PRKN: variants seen among roughly 807,000 people sequenced by gnomAD.
PRKN encodes the protein parkin RBR E3 ubiquitin protein ligase, also known as E3 ubiquitin-protein ligase parkin.
PRKN carries 56 observed loss-of-function variants against 59.5 expected under a neutral mutation model. The observed-to-expected ratio is 0.94, with a 90% CI of 0.76 to 1.18. The LOEUF (loss-of-function observed/expected upper bound fraction) is 1.18, where lower values mean the gene tolerates loss of function less well. Among genes scored for constraint, PRKN ranks in the 50% most tolerant of loss-of-function variants. The pLI, the probability that PRKN is intolerant of heterozygous loss-of-function variation, is 0.00. For missense variants in PRKN, 657 were observed against 596.4 expected, an observed-to-expected ratio of 1.10 and a Z score of -1.06; for synonymous variants, 250 against 222.1, an observed-to-expected ratio of 1.13 and a Z score of -1.12.
rs550002011 is a variant in PRKN at position 162,112,427 on chromosome 6, C to T, written c.535-58253G>A. 3.9e-5 allele frequency among the ~76,000 whole-genome samples: 6 copies of T among 152,206 alleles called. No individual in the cohort carries two copies. In the South Asian group the frequency reaches 1.2e-3, roughly 32 times the overall value. The stretch of plus-strand genomic sequence containing the variant: ...ATTGAAGATTCTTATTAAAATACCA[C>T]ATATTAAAAAAGATAAAGTAACACA... On this transcript the variant is annotated intron_variant, in intron 4 of 11. Transcript: ENST00000366898.
At chr6:162,677,922 C>A (rs1327912674) in intron 1 of PRKN, among the ~76,000 whole-genome samples, 1 of 152,054 alleles carries the variant, frequency 6.6e-6, no homozygotes, top group African/African-American at 2.4e-5. Context: ...GAGTACATCA[C>A]CCCCAGTAGA....
intron 9 of PRKN, among the ~76,000 whole-genome samples, chr6:161,534,542 T>C (rs1037888193): frequency 2.6e-5 from 4 of 152,166 alleles, no homozygotes; most frequent in African/African-American, 9.7e-5. Context: ...GTGTTCAAGG[T>C]GATGCGGAAA....
At chr6:162,343,514 A>C (rs1247530555) in intron 2 of PRKN, among the ~76,000 whole-genome samples, 9 of 152,250 alleles carry the variant, frequency 5.9e-5, no homozygotes, top group Non-Finnish European at 1.3e-4. Context: ...TAGGAAGTAT[A>C]ATGGTAGACT....
At chr6:162,047,418 G>C (rs1045029719) in intron 5 of PRKN, among the ~76,000 whole-genome samples, 1 of 152,146 alleles carries the variant, frequency 6.6e-6, no homozygotes, top group East Asian at 1.9e-4. Context: ...CAAGAATATG[G>C]AGCCCACGGC....
At chr6:162,563,346 C>G (rs1779933186) in intron 1 of PRKN, among the ~76,000 whole-genome samples, 1 of 151,730 alleles carries the variant, frequency 6.6e-6, no homozygotes, top group African/African-American at 2.4e-5. Flanking sequence ...AAAGAGAAAG[C>G]AAGAGAAGAG....
intron 1 of PRKN, among the ~76,000 whole-genome samples, chr6:162,553,707 G>A (rs1274742099): frequency 6.7e-6 from 1 of 150,096 alleles, no homozygotes; most frequent in Non-Finnish European, 1.5e-5. Flanking sequence ...GAAGGCTGAG[G>A]CAGGAGAATC....
At chr6:161,659,288 T>C (rs1478180181) in intron 7 of PRKN, among the ~76,000 whole-genome samples, 1 of 152,178 alleles carries the variant, frequency 6.6e-6, no homozygotes, top group African/African-American at 2.4e-5. Flanking sequence ...ATTAATTATA[T>C]ATAATTCTTT....
chr6:162,025,509 T>G (rs1783396720), intron 5 of PRKN, among the ~76,000 whole-genome samples: 1 of 151,780 alleles, frequency 6.6e-6, no homozygotes, highest in Non-Finnish European at 1.5e-5. Context: ...TGACTACCCT[T>G]TCTTGCAGTG....
intron 1 of PRKN, among the ~76,000 whole-genome samples, chr6:162,463,173 A>G (rs1188358642): frequency 6.6e-6 from 1 of 152,150 alleles, no homozygotes; most frequent in African/African-American, 2.4e-5. Context: ...GTATTAAATC[A>G]TTTAACTCTC....
intron 9 of PRKN, among the ~76,000 whole-genome samples, chr6:161,464,926 A>G (rs1583103620): frequency 6.6e-6 from 1 of 152,172 alleles, no homozygotes; most frequent in Non-Finnish European, 1.5e-5. Flanking sequence ...AGTTCGACCC[A>G]CAAAATATCT....
At chr6:161,658,287 TA>T (rs752541095) in intron 7 of PRKN, among the ~76,000 whole-genome samples, 7 of 152,188 alleles carry the variant, frequency 4.6e-5, no homozygotes. Context: ...CATGCTCCGT[TA>T]ATTGGAAGTG....
At chr6:162,126,673 G>T (rs2128307024) in intron 4 of PRKN, among the ~76,000 whole-genome samples, 1 of 152,248 alleles carries the variant, frequency 6.6e-6, no homozygotes, top group Admixed American at 6.5e-5. Flanking sequence ...TATTTCTCCT[G>T]AGCTTTTGCA....
intron 1 of PRKN, among the ~76,000 whole-genome samples, chr6:162,680,348 GTATA>G (rs537043455): frequency 6.6e-6 from 1 of 150,500 alleles, no homozygotes; most frequent in Admixed American, 6.7e-5. Context: ...GTATGTGTGT[GTATA>G]TATATATTTA....
At chr6:162,021,461 A>ATTT (rs72433488) in intron 5 of PRKN, among the ~76,000 whole-genome samples, 33 of 24,654 alleles carry the variant, frequency 1.3e-3, no homozygotes, top group African/African-American at 1.5e-3. Context: ...ATATATATAT[A>ATTT]TTTTTTTTTT....
At chr6:162,259,102 T>G (rs925954699) in intron 3 of PRKN, among the ~76,000 whole-genome samples, 4 of 152,226 alleles carry the variant, frequency 2.6e-5, no homozygotes, top group African/African-American at 7.2e-5. Flanking sequence ...TTTTAATCTC[T>G]TTTTCTGAGG....
chr6:162,116,768 G>A (rs1015481965), intron 4 of PRKN, among the ~76,000 whole-genome samples: 3 of 152,174 alleles, frequency 2.0e-5, no homozygotes, highest in Middle Eastern at 3.2e-3. Flanking sequence ...GATATGCACA[G>A]GCGTGAAAGT....
chr6:161,458,271 ATC>A lies in PRKN; in HGVS notation c.1084-71396_1084-71395del, dbSNP rs781409957. On this transcript the variant is annotated intron_variant, in intron 9 of 11. Transcript: ENST00000366898. The surrounding 1 kb of genome is among the most constrained non-coding windows in gnomAD (Gnocchi z 6.1). ...TTCAGAAACGTGTTGTCATTCTTTAATCATGATCATTATTGGAGAATATGATT... is the reference window on the plus strand; with the variant it reads ...TTCAGAAACGTGTTGTCATTCTTTAAATGATCATTATTGGAGAATATGATT... Among the ~76,000 whole-genome samples the A allele has an allele frequency of 1.3e-5, 2 of 152,162 alleles. No homozygotes were observed. Among genetic ancestry groups the A allele is most frequent in the Non-Finnish European group, 2.9e-5 (2 of 68,036 alleles).
chr6:161,785,950 T>C, intron 6 of PRKN, 42 bp from the exon 7 acceptor site: 1 of 1,610,670 alleles, frequency 6.2e-7, no homozygotes, highest in Non-Finnish European at 8.5e-7. Context: ...TACCTGTCAG[T>C]GTGGAAAGGC....
intron 6 of PRKN, among the ~76,000 whole-genome samples, chr6:161,941,485 C>T (rs904956641): frequency 6.6e-5 from 10 of 152,228 alleles, no homozygotes; most frequent in Non-Finnish European, 1.5e-4. Flanking sequence ...TCAATAAAAC[C>T]TCACTCTCAT....
Sources: allele counts gnomAD v4.1 joint callset (sites outside exome capture counted in the v4.1 genomes callset), GRCh38; gene constraint gnomAD v4.1.1; non-coding constraint Gnocchi (gnomAD v3.1); transcripts MANE v1.5; gene names NCBI Gene and HGNC (gene_info 2026-07-23, HGNC 2026-07-21).